TRAPPC12: variants seen among roughly 807,000 people sequenced by gnomAD.
TRAPPC12 encodes the protein TPR repeat protein 15.
TRAPPC12 carries 61 observed loss-of-function variants against 69.2 expected under a neutral mutation model. The ratio of observed to expected loss-of-function variants is 0.88; its 90% CI spans 0.72 to 1.09. The LOEUF (loss-of-function observed/expected upper bound fraction) is 1.09, where lower values mean the gene tolerates loss of function less well. Among genes scored for constraint, TRAPPC12 ranks in the 50% least tolerant of loss-of-function variants. The pLI, the probability that TRAPPC12 is intolerant of heterozygous loss-of-function variation, is 0.00. For missense variants in TRAPPC12, 1,101 were observed against 1,016.4 expected (o/e 1.08, Z -1.13); for synonymous variants, 469 against 438.9 (o/e 1.07, Z -0.86).
chr2:3,443,537 T>C (rs1664336818), intron 5 of TRAPPC12, among the ~76,000 whole-genome samples: 1 of 152,240 alleles, frequency 6.6e-6, no homozygotes, highest in African/African-American at 2.4e-5. Context: ...GCAGTGTAGC[T>C]TTGGAAATTG....
At chr2:3,427,642 C>A (rs1353842508) in intron 5 of TRAPPC12, among the ~76,000 whole-genome samples, 1 of 152,198 alleles carries the variant, frequency 6.6e-6, no homozygotes, top group Non-Finnish European at 1.5e-5. Context: ...AATCCCAGCA[C>A]TTTGGGAGGC....
intron 2 of TRAPPC12, 131 bp downstream of exon 2, chr2:3,388,801 G>C (rs1660659307): frequency 2.1e-6 from 2 of 953,146 alleles, no homozygotes; most frequent in East Asian, 2.8e-5. Context: ...CATTGTGAGC[G>C]CCTGTGTTCC....
intron 7 of TRAPPC12, chr2:3,458,251 A>AGT (rs747734295): frequency 2.9e-4 from 285 of 987,322 alleles, no homozygotes; most frequent in Middle Eastern, 5.2e-4. Context: ...CAGCTCGGGG[A>AGT]GTGCGTTAGC....
At chr2:3,476,572 G>A (rs1486153388) in intron 9 of TRAPPC12, among the ~76,000 whole-genome samples, 2 of 152,224 alleles carry the variant, frequency 1.3e-5, no homozygotes, top group South Asian at 2.1e-4. Flanking sequence ...AGGCATCCTT[G>A]TGTAAATGCT....
intron 8 of TRAPPC12, among the ~76,000 whole-genome samples, chr2:3,461,510 A>C (rs1572196772): frequency 6.6e-6 from 1 of 152,168 alleles, no homozygotes; most frequent in African/African-American, 2.4e-5. Context: ...CTCCTCCTTA[A>C]AATAAGGGCA....
At chr2:3,465,928 A>G (rs191127688) in intron 9 of TRAPPC12, 31 of 573,212 alleles carry the variant, frequency 5.4e-5, no homozygotes, top group African/African-American at 4.9e-4. Context: ...AGAAAGTGTC[A>G]TCACAGCCAC....
At chr2:3,463,331 A>G (rs13427582) in intron 8 of TRAPPC12, among the ~76,000 whole-genome samples, 6,543 of 151,856 alleles carry the variant, frequency 0.043, 431 homozygotes, top group African/African-American at 0.15. Context: ...GACACGTGTC[A>G]TGTTCACACC....
intron 7 of TRAPPC12, among the ~76,000 whole-genome samples, chr2:3,458,852 A>T (rs1037948428): frequency 2.0e-5 from 3 of 152,222 alleles, no homozygotes; most frequent in Admixed American, 1.3e-4. Context: ...GCAGGAAAGG[A>T]ATCTGCAAAG....
rs369996771 is a variant in TRAPPC12, at chr2:3,460,295, C to G, written c.1636C>G (p.Arg546Gly). The change falls in exon 8 of 12, where the codon CGG (arginine) becomes GGG (glycine). Residue 546 changes from arginine (R) to glycine (G), a missense_variant. Physicochemically the swap from Arg to Gly is moderately radical, Grantham distance 125 (BLOSUM62 -2). Transcript: ENST00000324266. ...CCGGCTGTGGAGGTCACGTCTGGGC[C>G]GGGTGATGTACTCCATGGCAAACTG... ...SIRLWRSRLG[R>G]VMYSMANCLL... 1 of 874,682 alleles carries G rather than the reference C, an allele frequency of 1.1e-6. No individual in the cohort carries two copies. 54.2% of individuals were successfully genotyped at this position (874,682 alleles called of 1,614,324 possible). A position where few individuals can be genotyped will look rare whatever the true frequency, so the allele number is the denominator to read the frequency against.
intron 1 of TRAPPC12, among the ~76,000 whole-genome samples, chr2:3,380,971 G>C (rs969679536): frequency 1.3e-5 from 2 of 152,180 alleles, no homozygotes; most frequent in Admixed American, 1.3e-4. Flanking sequence ...TGCCTTCAGA[G>C]CTCTTTCTGC....
intron 9 of TRAPPC12, among the ~76,000 whole-genome samples, chr2:3,466,939 G>T (rs1665842789): frequency 6.6e-6 from 1 of 152,070 alleles, no homozygotes; most frequent in African/African-American, 2.4e-5. Context: ...TAGTACGCTG[G>T]GCCTGCTCAG....
intron 1 of TRAPPC12, among the ~76,000 whole-genome samples, chr2:3,383,231 T>C (rs1660306676): frequency 6.6e-6 from 1 of 152,192 alleles, no homozygotes; most frequent in South Asian, 2.1e-4. Context: ...TTTTAGGTTT[T>C]TAATGATAGA....
intron 3 of TRAPPC12, among the ~76,000 whole-genome samples, chr2:3,420,755 G>A (rs967746425): frequency 6.6e-6 from 1 of 152,206 alleles, no homozygotes; most frequent in Admixed American, 6.5e-5. Context: ...TCATGAGCAG[G>A]TCCTGAGTTC....
rs540881583 is a variant in TRAPPC12 at position 3,453,161 on chromosome 2, A to C, written c.1531-4460A>C. 8.5e-5 allele frequency among the ~76,000 whole-genome samples: 13 copies of C among 152,268 alleles called. No homozygotes were observed. In the South Asian group the frequency reaches 1.0e-3, roughly 12 times the overall value. On this transcript the variant is annotated intron_variant, in intron 6 of 11. Coordinates refer to ENST00000324266, the MANE Select transcript of TRAPPC12 (RefSeq NM_016030.6). ...ATGATGCTGCCTCCTCCACAGGTTTATTTTTGTGAAATCAAACAGAATACT... is the reference window on the plus strand; with the variant it reads ...ATGATGCTGCCTCCTCCACAGGTTTCTTTTTGTGAAATCAAACAGAATACT...
intron 3 of TRAPPC12, among the ~76,000 whole-genome samples, chr2:3,402,724 A>C (rs1661514628): frequency 6.6e-6 from 1 of 152,256 alleles, no homozygotes; most frequent in African/African-American, 2.4e-5. Context: ...ATTAAGGAGA[A>C]GATATTGGAA....
intron 3 of TRAPPC12, among the ~76,000 whole-genome samples, chr2:3,420,555 G>A (rs142734940): frequency 3.3e-5 from 5 of 152,346 alleles, no homozygotes; most frequent in African/African-American, 1.2e-4. Flanking sequence ...AGCCTGCAGT[G>A]TGAGTGTGAG....
chr2:3,391,170 C>T (rs1262817265), intron 2 of TRAPPC12, among the ~76,000 whole-genome samples: 2 of 152,106 alleles, frequency 1.3e-5, no homozygotes, highest in Non-Finnish European at 2.9e-5. Flanking sequence ...TTCCATATGG[C>T]ACTGTACATG....
intron 7 of TRAPPC12, among the ~76,000 whole-genome samples, chr2:3,459,064 G>A (rs1053057753): frequency 5.9e-5 from 9 of 152,332 alleles, no homozygotes; most frequent in African/African-American, 1.4e-4. Context: ...GAAGCACACC[G>A]TAAATGCACA....
intron 8 of TRAPPC12, among the ~76,000 whole-genome samples, chr2:3,461,157 CA>C (rs1310806290): frequency 2.0e-5 from 3 of 152,198 alleles, no homozygotes; most frequent in African/African-American, 7.2e-5. Context: ...GGCAATTTAC[CA>C]GCGGAGAACT....
Sources: gnomAD v4.1 joint callset for allele counts (sites outside exome capture counted in the v4.1 genomes callset) on GRCh38, gnomAD v4.1.1 for gene constraint, MANE v1.5 for transcripts, NCBI Gene and HGNC (gene_info 2026-07-23, HGNC 2026-07-21) for gene names.